The following IL2RA variants were observed in gnomAD, a reference collection of about 807,000 sequenced individuals.
The protein encoded by IL2RA is interleukin 2 receptor subunit alpha, also known as interleukin-2 receptor subunit alpha.
IL2RA carries 24 observed loss-of-function variants against 37.8 expected under a neutral mutation model. The ratio of observed to expected loss-of-function variants is 0.63; its 90% confidence interval spans 0.46 to 0.89. The LOEUF is 0.89. Ranked by LOEUF, IL2RA falls within the 40% of genes least tolerant of loss-of-function variation. The pLI is 0.00. For missense variants in IL2RA, 319 were observed against 348.6 expected, an observed-to-expected ratio of 0.92 and a Z score of 0.68; for synonymous variants, 125 against 114.6, an observed-to-expected ratio of 1.09 and a Z score of -0.58.
intron 7 of IL2RA, among the ~76,000 whole-genome samples, chr10:6,017,827 C>T (rs915790102): frequency 6.6e-6 from 1 of 152,180 alleles, no homozygotes; most frequent in African/African-American, 2.4e-5. Context: ...TCCACTCAGC[C>T]TTGGCCTCCC....
intron 1 of IL2RA, among the ~76,000 whole-genome samples, chr10:6,052,036 T>C (rs1839971854): frequency 6.6e-6 from 1 of 151,354 alleles, no homozygotes; most frequent in Non-Finnish European, 1.5e-5. Flanking sequence ...ACTTGGGGAA[T>C]GTGGGAGCTA....
At chr10:6,040,595 C>A (rs11256464) in intron 1 of IL2RA, among the ~76,000 whole-genome samples, 1 of 152,082 alleles carries the variant, frequency 6.6e-6, no homozygotes, top group East Asian at 1.9e-4. Flanking sequence ...CCTAAATTTG[C>A]AATACATGGT....
At position 6,020,134 on chromosome 10, in the gene IL2RA, G is replaced by A. The variant is rs1839361366; in HGVS notation, c.584-193C>T. Among the ~76,000 whole-genome samples the A allele has an allele frequency of 6.6e-6, 1 of 152,214 alleles. No homozygotes were observed. The highest frequency in any genetic ancestry group is 2.4e-5 in the African/African-American group (1 of 41,452). On this transcript the variant is annotated intron_variant, in intron 4 of 7. Coordinates refer to ENST00000379959, the MANE Select transcript of IL2RA (RefSeq NM_000417.3). This position sits in a 1 kb window ranked among gnomAD's most constrained non-coding sequence, Gnocchi z 5.6. Reference sequence around the variant, plus strand: ...ACTGGGAAGCGGTGAAGTGGTCTCAGCAGAGCAGACGAGGCTGAATTCTAA... The same window carrying A: ...ACTGGGAAGCGGTGAAGTGGTCTCAACAGAGCAGACGAGGCTGAATTCTAA...
Position 6,048,723 on chromosome 10 carries a change from C to A in IL2RA, c.64+13365G>T, listed in dbSNP as rs1460232307. Among the ~76,000 whole-genome samples the A allele has an allele frequency of 6.6e-6, 1 of 152,226 alleles. No homozygotes were observed. Among genetic ancestry groups the A allele is most frequent in the Non-Finnish European group, 1.5e-5 (1 of 68,044 alleles). On this transcript the variant is annotated intron_variant, in intron 1 of 7. Coordinates refer to ENST00000379959, the MANE Select transcript of IL2RA (RefSeq NM_000417.3). This position sits in a 1 kb window ranked among gnomAD's most constrained non-coding sequence, Gnocchi z 5.3. ...ATTCTTCACATAAACCCAGTGCTTT[C>A]TCTTCTTCCTTCATTCTTCACATAA...
At chr10:6,051,716 C>T (rs890456014) in intron 1 of IL2RA, among the ~76,000 whole-genome samples, 2 of 143,908 alleles carry the variant, frequency 1.4e-5, no homozygotes, top group Admixed American at 6.9e-5. Flanking sequence ...GACGGGGTTT[C>T]ACCATGTTGG....
intron 1 of IL2RA, among the ~76,000 whole-genome samples, chr10:6,050,431 G>A (rs1310265143): frequency 6.6e-6 from 1 of 152,162 alleles, no homozygotes; most frequent in African/African-American, 2.4e-5. Flanking sequence ...GAGGTCAGGA[G>A]TTTGAGACCA....
At position 6,055,663 on chromosome 10, in the gene IL2RA, T is replaced by C. The variant is rs535880719; in HGVS notation, c.64+6425A>G. 7.6e-3 allele frequency among the ~76,000 whole-genome samples: 218 copies of C among 28,824 alleles called. 6 individuals are homozygous for C. The highest frequency in any genetic ancestry group is 0.012 in the South Asian group (7 of 602). 18.9% of individuals were successfully genotyped at this position (28,824 alleles called of 152,430 possible). A position where few individuals can be genotyped will look rare whatever the true frequency, so the allele number is the denominator to read the frequency against. ...AATCTTTTCCCCACCTTTCCCGCCT[T>C]TCCATTCCACAAAGCCGCCATTGTC... is the stretch of plus-strand genomic sequence containing the variant. On this transcript the variant is annotated intron_variant, in intron 1 of 7. Coordinates refer to ENST00000379959, the MANE Select transcript of IL2RA (RefSeq NM_000417.3).
intron 1 of IL2RA, among the ~76,000 whole-genome samples, chr10:6,032,567 C>A (rs1839615657): frequency 1.3e-5 from 2 of 151,980 alleles, no homozygotes; most frequent in South Asian, 4.2e-4. Context: ...GTGGTGTGCG[C>A]CTGTAGTCCC....
intron 1 of IL2RA, among the ~76,000 whole-genome samples, chr10:6,051,406 A>G (rs906755159): frequency 6.6e-6 from 1 of 151,572 alleles, no homozygotes; most frequent in African/African-American, 2.4e-5. Flanking sequence ...TTTGCCCTTT[A>G]CTTGGTGACG....
chr10:6,051,817 C>CTA (rs61008683), intron 1 of IL2RA, among the ~76,000 whole-genome samples: 4,377 of 33,660 alleles, frequency 0.13, 788 homozygotes, highest in Admixed American at 0.34. Context: ...TCATGCCCAG[C>CTA]TATATATATA....
At chr10:6,053,741 C>G (rs944303282) in intron 1 of IL2RA, among the ~76,000 whole-genome samples, 1 of 152,224 alleles carries the variant, frequency 6.6e-6, no homozygotes, top group Non-Finnish European at 1.5e-5. Flanking sequence ...GGGATCCTCC[C>G]CTCTTGGCCC....
chr10:6,059,891 C>G lies in IL2RA; in HGVS notation c.64+2197G>C, dbSNP rs1322935237. Among the ~76,000 whole-genome samples the G allele has an allele frequency of 2.0e-5, 3 of 152,134 alleles. No homozygotes were observed. In the East Asian group the frequency reaches 5.8e-4, roughly 29 times the overall value. ...TATATCTATGTTTTTCTCCTCCTCA[C>G]CAGGTTATAAGTTGCTTAAGTGTCA... On this transcript the variant is annotated intron_variant, in intron 1 of 7. Transcript: ENST00000379959.
At chr10:6,031,455 C>CATATATATATATATATATATATATAT (rs869288057) in intron 1 of IL2RA, among the ~76,000 whole-genome samples, 1 of 67,178 alleles carries the variant, frequency 1.5e-5, no homozygotes, top group African/African-American at 6.6e-5. Context: ...TATATATATA[C>CATATATATATATATATATATATATAT]ATATATATAT....
In IL2RA at chr10:6,054,323, A is replaced by G. The variant is rs1468045130; in HGVS notation, c.64+7765T>C. On this transcript the variant is annotated intron_variant, in intron 1 of 7. Coordinates refer to ENST00000379959, the MANE Select transcript of IL2RA (RefSeq NM_000417.3). The surrounding 1 kb of genome is among the most constrained non-coding windows in gnomAD (Gnocchi z 4.5). Reference sequence around the variant, plus strand: ...AGGAAAAAAATGTGGAGGTAGGGAAACAAGACCCAGGAACTCTTTGGCTGC... The same window carrying G: ...AGGAAAAAAATGTGGAGGTAGGGAAGCAAGACCCAGGAACTCTTTGGCTGC... Among the ~76,000 whole-genome samples the G allele has an allele frequency of 6.6e-6, 1 of 152,136 alleles. No homozygotes were observed. Among genetic ancestry groups the G allele is most frequent in the Non-Finnish European group, 1.5e-5 (1 of 68,020 alleles).
intron 1 of IL2RA, among the ~76,000 whole-genome samples, chr10:6,045,998 C>A (rs929107772): frequency 4.6e-5 from 7 of 152,182 alleles, no homozygotes; most frequent in Non-Finnish European, 8.8e-5. Context: ...GTCCTGTTAA[C>A]ACAAATCCTA....
intron 1 of IL2RA, among the ~76,000 whole-genome samples, chr10:6,051,881 T>C (rs1202140396): frequency 7.9e-6 from 1 of 127,310 alleles, no homozygotes. Context: ...TGCTACAAAG[T>C]ATATAATAAT....
rs1237108868 is a variant in IL2RA at position 6,021,759 on chromosome 10, C to G, written c.368-66G>C. On this transcript the variant is annotated intron_variant, in intron 3 of 7. Transcript: ENST00000379959. This position sits in a 1 kb window ranked among gnomAD's most constrained non-coding sequence, Gnocchi z 4.9. ...AGCACCGCGAGTGAGTCCAGGTTGC[C>G]TCTTGCTAGGGACTGGACCTTGGTT... The G allele has an allele frequency of 5.3e-6, 7 of 1,327,398 alleles. No individual in the cohort carries two copies. The highest frequency in any genetic ancestry group is 7.6e-6 in the Non-Finnish European group (7 of 923,498). 82.2% of individuals were successfully genotyped at this position (1,327,398 alleles called of 1,614,324 possible). A position where few individuals can be genotyped will look rare whatever the true frequency, so the allele number is the denominator to read the frequency against.
At chr10:6,013,355 A>T (rs2132841276) in intron 7 of IL2RA, among the ~76,000 whole-genome samples, 2 of 152,354 alleles carry the variant, frequency 1.3e-5, no homozygotes, top group Middle Eastern at 6.8e-3. Flanking sequence ...CTGAATTTTT[A>T]ATTGTATTTA....
Position 6,046,275 on chromosome 10 carries a change from G to A in IL2RA, c.64+15813C>T, listed in dbSNP as rs1292500496. Among the ~76,000 whole-genome samples the A allele has an allele frequency of 2.0e-5, 3 of 152,226 alleles. 1 individual carries two copies. Among genetic ancestry groups the A allele is most frequent in the East Asian group, 3.8e-4 (2 of 5,204 alleles). ...AAACACAGGGAGAAAACCATGGGAA[G>A]TGGGGAGCACTGATTGAGGTTCTGG... On this transcript the variant is annotated intron_variant, in intron 1 of 7. Coordinates refer to ENST00000379959, the MANE Select transcript of IL2RA (RefSeq NM_000417.3). The surrounding 1 kb of genome is among the most constrained non-coding windows in gnomAD (Gnocchi z 4.8).
Sources: allele counts gnomAD v4.1 joint callset (sites outside exome capture counted in the v4.1 genomes callset), GRCh38; gene constraint gnomAD v4.1.1; non-coding constraint Gnocchi (gnomAD v3.1); transcripts MANE v1.5; gene names NCBI Gene and HGNC (gene_info 2026-07-23, HGNC 2026-07-21).